The following PDE10A variants were observed in gnomAD, a reference collection of about 807,000 sequenced individuals.
PDE10A encodes phosphodiesterase 10A.
In PDE10A, 39 loss-of-function variants were observed where a neutral mutation model predicts 97.7. The ratio of observed to expected loss-of-function variants is 0.40; its 90% confidence interval spans 0.31 to 0.52. The LOEUF (loss-of-function observed/expected upper bound fraction) is 0.52, where lower values mean the gene tolerates loss of function less well. Ranked by LOEUF, PDE10A falls within the 20% of genes least tolerant of loss-of-function variation. PDE10A has a pLI of 0.56. For synonymous variants in PDE10A, 371 were observed against 376.8 expected, an observed-to-expected ratio of 0.98 and a Z score of 0.18; for missense variants, 731 against 1,047.8, an observed-to-expected ratio of 0.70 and a Z score of 4.17.
intron 1 of PDE10A, among the ~76,000 whole-genome samples, chr6:165,953,483 C>T (rs747543668): frequency 7.2e-5 from 11 of 151,942 alleles, no homozygotes; most frequent in African/African-American, 2.2e-4. Context: ...CCCAGCTACT[C>T]GGGAAGCTGA....
In PDE10A at chr6:165,536,122, T is replaced by C. The variant is rs1783069670; in HGVS notation, c.994+7318A>G. ...TGGTACTAGCATATAAACAGACATA[T>C]AGACCAAGAGAACAGAACACAGATG... On this transcript the variant is annotated intron_variant, in intron 2 of 21. Coordinates refer to ENST00000539869, the MANE Select transcript of PDE10A (RefSeq NM_001385079.1). 2.6e-5 allele frequency among the ~76,000 whole-genome samples: 4 copies of C among 152,008 alleles called. No individual in the cohort carries two copies. In the South Asian group the frequency reaches 8.3e-4, roughly 31 times the overall value.
chr6:165,467,338 T>G (rs1778715506), intron 3 of PDE10A, among the ~76,000 whole-genome samples: 1 of 152,210 alleles, frequency 6.6e-6, no homozygotes, highest in Admixed American at 6.5e-5. Context: ...CGAAACATTC[T>G]TACAACACTG....
intron 1 of PDE10A, among the ~76,000 whole-genome samples, chr6:165,849,744 G>A (rs898792406): frequency 1.3e-5 from 2 of 152,098 alleles, no homozygotes; most frequent in African/African-American, 2.4e-5. Flanking sequence ...TCAAGCTAGC[G>A]GTGGCCAGAT....
At chr6:165,617,986 C>A (rs1296402855) in intron 1 of PDE10A, among the ~76,000 whole-genome samples, 1 of 152,052 alleles carries the variant, frequency 6.6e-6, no homozygotes, top group Non-Finnish European at 1.5e-5. Context: ...AGCTTAAGGC[C>A]AGGAGTTCAA....
chr6:165,708,770 C>G (rs71571418), intron 1 of PDE10A, among the ~76,000 whole-genome samples: 3 of 95,866 alleles, frequency 3.1e-5, no homozygotes, highest in Admixed American at 2.1e-4. Context: ...CCACGCTCAC[C>G]CCCCACTCTC....
Position 165,731,181 on chromosome 6 carries a change from C to A in PDE10A, c.-614-187613G>T, listed in dbSNP as rs145276276. Among the ~76,000 whole-genome samples the A allele has an allele frequency of 8.0e-4, 122 of 152,342 alleles. No homozygotes were observed. The South Asian group carries it at 0.011, about 14-fold the overall frequency. On this transcript the variant is annotated intron_variant, in intron 1 of 19. Coordinates refer to the PDE10A transcript ENST00000366882. ...CCTCGTGGCCCCCGGAGGGAAGCACCGTCTTGTGGCTCCTGGAGACTCGAT... is the reference window on the plus strand; with the variant it reads ...CCTCGTGGCCCCCGGAGGGAAGCACAGTCTTGTGGCTCCTGGAGACTCGAT...
chr6:165,705,171 A>T (rs549686106), intron 1 of PDE10A, among the ~76,000 whole-genome samples: 1 of 152,352 alleles, frequency 6.6e-6, no homozygotes, highest in African/African-American at 2.4e-5. Flanking sequence ...GTACCTGTTT[A>T]CTGGGGTTTG....
chr6:165,662,757 C>G lies in PDE10A; in HGVS notation c.55G>C (p.Ala19Pro), dbSNP rs1488015754. 6.8e-6 allele frequency among the ~76,000 whole-genome samples: 1 copy of G among 148,120 alleles called. No individual in the cohort carries two copies. The part of the protein sequence containing the change: ...APRPQGPLPA[A>P]GDEPGCGPGK... ...GGGCCGCAGCCCGGCTCGTCCCCGG[C>G]CGCTGGCAGGGGACCCTGGGGGCGG... The change falls in exon 1 of 22, where the codon GCC becomes CCC. Residue 19 changes from alanine (A) to proline (P), a missense_variant. Ala to Pro is a conservative substitution (Grantham distance 27). Coordinates refer to ENST00000539869, the MANE Select transcript of PDE10A (RefSeq NM_001385079.1).
At position 165,603,000 on chromosome 6, in the gene PDE10A, C is replaced by T. The variant is rs537318602; in HGVS notation, c.865+58947G>A. On this transcript the variant is annotated intron_variant, in intron 1 of 21. Transcript: ENST00000539869. ...CATCAGAGTTCTTTTCCCCACAATA[C>T]GAAAGCAAAATTAGGTTAAATTTTA... is the stretch of plus-strand genomic sequence containing the variant. Among the ~76,000 whole-genome samples the T allele has an allele frequency of 2.6e-4, 39 of 151,890 alleles. No individual in the cohort carries two copies. The East Asian group carries it at 5.4e-3, about 21-fold the overall frequency.
At chr6:165,782,379 C>A (rs777007795) in intron 1 of PDE10A, among the ~76,000 whole-genome samples, 1 of 152,316 alleles carries the variant, frequency 6.6e-6, no homozygotes, top group South Asian at 2.1e-4. Flanking sequence ...GCCATCTTCA[C>A]CGTAAATCAC....
chr6:165,899,955 T>A (rs964563326), intron 1 of PDE10A, among the ~76,000 whole-genome samples: 10 of 152,184 alleles, frequency 6.6e-5, no homozygotes, highest in Non-Finnish European at 1.3e-4. Flanking sequence ...CCTTCAGAGA[T>A]CCACTGGGGA....
At chr6:165,691,104 TCTC>T (rs1562686890) in intron 1 of PDE10A, among the ~76,000 whole-genome samples, 20 of 30,064 alleles carry the variant, frequency 6.7e-4, no homozygotes, top group African/African-American at 2.4e-3. Flanking sequence ...TCTCTTTCTC[TCTC>T]CCCCCCCCCA....
intron 1 of PDE10A, among the ~76,000 whole-genome samples, chr6:165,762,601 GATAGA>G (rs923973166): frequency 3.3e-5 from 5 of 152,062 alleles, no homozygotes; most frequent in South Asian, 2.1e-4. Flanking sequence ...TACAATTATA[GATAGA>G]ATAGATCACC....
intron 1 of PDE10A, among the ~76,000 whole-genome samples, chr6:165,823,648 A>C (rs1779646306): frequency 8.4e-6 from 1 of 118,574 alleles, no homozygotes; most frequent in Non-Finnish European, 2.1e-5. Flanking sequence ...ACAAATCTGT[A>C]ACAGAATCGT....
At chr6:165,856,734 T>G (rs546061436) in intron 1 of PDE10A, among the ~76,000 whole-genome samples, 1 of 152,330 alleles carries the variant, frequency 6.6e-6, no homozygotes, top group Non-Finnish European at 1.5e-5. Context: ...CAATCAGTCT[T>G]ATGTACAAAC....
At chr6:165,552,509 C>T (rs1411983560) in intron 1 of PDE10A, among the ~76,000 whole-genome samples, 1 of 152,162 alleles carries the variant, frequency 6.6e-6, no homozygotes, top group Non-Finnish European at 1.5e-5. Context: ...TTAGAACATG[C>T]CAGGCAGAGG....
At chr6:165,389,432 C>T (rs1216139488) in intron 16 of PDE10A, among the ~76,000 whole-genome samples, 1 of 152,114 alleles carries the variant, frequency 6.6e-6, no homozygotes, top group Non-Finnish European at 1.5e-5. Context: ...GCAGGCAGAA[C>T]CAACAGGATT....
chr6:165,435,632 GCCT>G (rs1789960409), intron 5 of PDE10A, among the ~76,000 whole-genome samples: 2 of 152,092 alleles, frequency 1.3e-5, no homozygotes, highest in Admixed American at 6.5e-5. Flanking sequence ...TCTTCAAATA[GCCT>G]CCTATTTTGA....
intron 1 of PDE10A, among the ~76,000 whole-genome samples, chr6:165,875,746 T>TTG (rs1554334720): frequency 8.2e-5 from 12 of 147,058 alleles, no homozygotes; most frequent in African/African-American, 1.8e-4. Context: ...TTTTTTTTTT[T>TTG]TGTGTGTGTG....
Sources: allele counts gnomAD v4.1 joint callset (sites outside exome capture counted in the v4.1 genomes callset), GRCh38; gene constraint gnomAD v4.1.1; transcripts MANE v1.5; gene names NCBI Gene and HGNC (gene_info 2026-07-23, HGNC 2026-07-21).